Variants in USP42 observed in about 807,000 individuals in gnomAD.
USP42 encodes the protein ubiquitin specific peptidase 42.
Under a neutral mutation model 113.0 loss-of-function variants are expected in USP42, and 23 were observed. That is an observed-to-expected ratio of 0.20 (90% CI 0.15 to 0.29). USP42 has a LOEUF of 0.29. USP42 is among the 10% of genes least tolerant of loss of function. The pLI, the probability that USP42 is intolerant of heterozygous loss-of-function variation, is 1.00. For missense variants in USP42, 2,174 were observed against 1,779.8 expected, an observed-to-expected ratio of 1.22 and a Z score of -3.99; for synonymous variants, 933 against 699.0, an observed-to-expected ratio of 1.33 and a Z score of -5.28.
rs1343685439 is a variant in USP42 at position 6,158,157 on chromosome 7, A to G, written c.3943+1102A>G. On this transcript the variant is annotated intron_variant, in intron 16 of 17. Coordinates refer to ENST00000306177, the MANE Select transcript of USP42 (RefSeq NM_032172.3). The surrounding 1 kb of genome is among the most constrained non-coding windows in gnomAD (Gnocchi z 4.2). ...TGCGTTTCACATGAAAATGATGTGA[A>G]ATTCAGACCTCAGTGTCTGTGGCTT... Among the ~76,000 whole-genome samples, 1 of 152,240 alleles carries G rather than the reference A, an allele frequency of 6.6e-6. No individual in the cohort carries two copies. The highest frequency in any genetic ancestry group is 2.4e-5 in the African/African-American group (1 of 41,476).
chr7:6,152,752 C>G (rs1454622107), intron 14 of USP42, among the ~76,000 whole-genome samples: 1 of 152,204 alleles, frequency 6.6e-6, no homozygotes, highest in African/African-American at 2.4e-5. Context: ...ATATCGAAAG[C>G]TCTGCGGGAA....
intron 2 of USP42, among the ~76,000 whole-genome samples, chr7:6,113,900 C>T (rs1476222951): frequency 6.6e-6 from 1 of 152,058 alleles, no homozygotes; most frequent in African/African-American, 2.4e-5. Context: ...GGATTACAGG[C>T]ATGAGCCACT....
At chr7:6,083,376 C>T in the USP42 span, among the ~76,000 whole-genome samples, 1 of 150,274 alleles carries the variant, frequency 6.7e-6, no homozygotes, top group Non-Finnish European at 1.5e-5. Flanking sequence ...CTGCCTCAGC[C>T]TCTCAAGTAG....
At chr7:6,143,727 A>C (rs995747441) in intron 8 of USP42, among the ~76,000 whole-genome samples, 3 of 152,074 alleles carry the variant, frequency 2.0e-5, no homozygotes, top group Non-Finnish European at 4.4e-5. Context: ...TTTTTAAATT[A>C]GATGAATTTA....
At chr7:6,142,888 G>A (rs746656434) in intron 7 of USP42, 44 bp from the exon 8 acceptor site, 4 of 1,597,654 alleles carry the variant, frequency 2.5e-6, no homozygotes, top group Non-Finnish European at 3.4e-6. Context: ...AAACACAAGT[G>A]ACGGTGTGCG....
At chr7:6,088,944 A>G in the USP42 span, 1 of 151,298 alleles carries the variant, frequency 6.6e-6, no homozygotes, top group South Asian at 2.1e-4. Context: ...ACCAAATGCC[A>G]TGAAGGGCCA....
At chr7:6,098,560 T>C in the USP42 span, among the ~76,000 whole-genome samples, 2 of 150,358 alleles carry the variant, frequency 1.3e-5, no homozygotes, top group Non-Finnish European at 1.5e-5. Context: ...TTTTTTGTTT[T>C]TCTTGAGACA....
upstream of USP42, among the ~76,000 whole-genome samples, chr7:6,102,333 C>G (rs757117565): frequency 1.3e-4 from 19 of 150,212 alleles, no homozygotes; most frequent in Non-Finnish European, 2.7e-4. Flanking sequence ...AGGCTGGTCT[C>G]GAACTCCTGA....
At chr7:6,138,593 C>T (rs1356694636) in intron 4 of USP42, among the ~76,000 whole-genome samples, 1 of 152,184 alleles carries the variant, frequency 6.6e-6, no homozygotes, top group East Asian at 1.9e-4. Context: ...AAGCAGGGGT[C>T]CCTAACCCCT....
At chr7:6,116,860 A>G (rs755681301) in intron 3 of USP42, 1 of 533,004 alleles carries the variant, frequency 1.9e-6, no homozygotes, top group East Asian at 5.5e-5. Context: ...TAGGGTGTGG[A>G]TGAAAACCCA....
chr7:6,159,302 C>A lies in USP42; in HGVS notation c.3944-148C>A. The A allele has an allele frequency of 2.0e-6, 2 of 988,332 alleles. No homozygotes were observed. Among genetic ancestry groups the A allele is most frequent in the South Asian group, 1.5e-5 (1 of 65,686 alleles). 61.2% of individuals were successfully genotyped at this position (988,332 alleles called of 1,614,324 possible). A position where few individuals can be genotyped will look rare whatever the true frequency, so the allele number is the denominator to read the frequency against. On this transcript the variant is annotated intron_variant, in intron 16 of 17. Coordinates refer to ENST00000306177, the MANE Select transcript of USP42 (RefSeq NM_032172.3). The surrounding 1 kb of genome is among the most constrained non-coding windows in gnomAD (Gnocchi z 4.1). ...GAGCAGCCGCTGAGCGCTGGGACAT[C>A]CCTGCTCACCTCACTGGGGAGTGGC...
upstream of USP42, among the ~76,000 whole-genome samples, chr7:6,102,315 T>C (rs1790151500): frequency 6.7e-6 from 1 of 150,120 alleles, no homozygotes; most frequent in South Asian, 2.1e-4. Flanking sequence ...AGTTTCAGCA[T>C]ATTGGCCAGG....
At chr7:6,108,194 A>C (rs930252628) in intron 1 of USP42, among the ~76,000 whole-genome samples, 4 of 152,132 alleles carry the variant, frequency 2.6e-5, no homozygotes, top group African/African-American at 9.7e-5. Flanking sequence ...CTCAAAACAT[A>C]ACAAAACAAA....
chr7:6,139,845 A>C lies in USP42; in HGVS notation c.657-283A>C. On this transcript the variant is annotated intron_variant, in intron 5 of 17. Coordinates refer to ENST00000306177, the MANE Select transcript of USP42 (RefSeq NM_032172.3). This position sits in a 1 kb window ranked among gnomAD's most constrained non-coding sequence, Gnocchi z 4.5. ...CAGGCCGCAGTGCCCGGAGGCTGCC[A>C]TCTTCCTGCTTCAGGACCAGACTCC... 1 of 493,050 alleles carries C rather than the reference A, an allele frequency of 2.0e-6. No homozygotes were observed. 30.5% of individuals were successfully genotyped at this position (493,050 alleles called of 1,614,324 possible).
At chr7:6,096,751 C>G in the USP42 span, among the ~76,000 whole-genome samples, 1 of 151,064 alleles carries the variant, frequency 6.6e-6, no homozygotes, top group Non-Finnish European at 1.5e-5. Flanking sequence ...CTTTTGTTGA[C>G]AGCCTGTCTT....
At chr7:6,105,353 A>C (rs1270946439) in intron 1 of USP42, among the ~76,000 whole-genome samples, 1 of 147,420 alleles carries the variant, frequency 6.8e-6, no homozygotes, top group African/African-American at 2.5e-5. Flanking sequence ...TCCCACCCCC[A>C]CCCGGCCCCA....
At chr7:6,082,500 C>T in the USP42 span, among the ~76,000 whole-genome samples, 2 of 150,088 alleles carry the variant, frequency 1.3e-5, no homozygotes, top group Admixed American at 6.6e-5. Flanking sequence ...CACTTGTAAT[C>T]TCAGCAGTTC....
the USP42 span, among the ~76,000 whole-genome samples, chr7:6,096,384 G>A: frequency 2.0e-5 from 3 of 151,120 alleles, no homozygotes; most frequent in African/African-American, 7.4e-5. Flanking sequence ...AGGGGAGATG[G>A]GTGCATCATT....
At chr7:6,131,129 T>C (rs116588815) in intron 3 of USP42, among the ~76,000 whole-genome samples, 300 of 152,212 alleles carry the variant, frequency 2.0e-3, no homozygotes, top group African/African-American at 6.9e-3. Context: ...GCTGAGCCCT[T>C]TGCTACCTCT....
Sources: gnomAD v4.1 joint callset for allele counts (sites outside exome capture counted in the v4.1 genomes callset) on GRCh38, gnomAD v4.1.1 for gene constraint, Gnocchi (gnomAD v3.1) non-coding constraint, MANE v1.5 for transcripts, NCBI Gene and HGNC (gene_info 2026-07-23, HGNC 2026-07-21) for gene names.